The following SHROOM4 variants were observed in gnomAD, a reference collection of about 807,000 sequenced individuals.
SHROOM4 encodes the protein shroom family member 4.
SHROOM4 carries 17 observed loss-of-function variants against 80.3 expected under a neutral mutation model. That is an observed-to-expected ratio of 0.21 (90% CI 0.14 to 0.32). The LOEUF (loss-of-function observed/expected upper bound fraction) is 0.32. Ranked by LOEUF, SHROOM4 falls within the 10% of genes least tolerant of loss-of-function variation. The pLI, the probability that SHROOM4 is intolerant of heterozygous loss-of-function variation, is 1.00. For synonymous variants in SHROOM4, 400 were observed against 437.5 expected (o/e 0.91, Z 1.07); for missense variants, 993 against 1,140.3 (o/e 0.87, Z 1.86).
At chrX:50,717,472 C>T (rs1158730691) in intron 1 of SHROOM4, among the ~76,000 whole-genome samples, 3 of 112,233 alleles carry the variant, frequency 2.7e-5, no homozygotes, top group Non-Finnish European at 3.8e-5. Context: ...CTGCCCACCT[C>T]GGCATCCCAA....
chrX:50,633,820 G>C lies in SHROOM4; in HGVS notation c.2253C>G (p.Asn751Lys), dbSNP rs1931190934. The C allele has an allele frequency of 8.3e-7, 1 of 1,210,972 alleles. No homozygotes were observed. The highest frequency in any genetic ancestry group is 1.8e-5 in the South Asian group (1 of 56,865). Residue 751 changes from asparagine (N) to lysine (K), a missense_variant, in exon 4 of 9, where the codon AAC becomes AAG. Asn to Lys is a moderately conservative substitution (Grantham distance 94). Coordinates refer to ENST00000376020, the MANE Select transcript of SHROOM4 (RefSeq NM_020717.5). ...GAGCAGTAGAAGCCTTCAATTCCTT[G>C]TTGTCACCTGGGTTGGAAGGGCCTT... ...AMEGPSNPGD[N>K]KELKASTAQA...
In SHROOM4 at chrX:50,753,985, G is replaced by C. The variant is rs146106978; in HGVS notation, c.118-58048C>G. On this transcript the variant is annotated intron_variant, in intron 1 of 8. Transcript: ENST00000376020. ...TTCATAACGTTATTAATTTCATAAG[G>C]ATTTAATGGGCTAATGCATACATAA... Among the ~76,000 whole-genome samples the C allele has an allele frequency of 2.4e-4, 27 of 111,822 alleles. No homozygotes were observed. The East Asian group carries it at 7.0e-3, about 29-fold the overall frequency.
At chrX:50,671,610 T>C (rs1382374828) in intron 2 of SHROOM4, among the ~76,000 whole-genome samples, 3 of 112,487 alleles carry the variant, frequency 2.7e-5, no homozygotes, top group African/African-American at 9.7e-5. Context: ...CTTCTGCAGC[T>C]TCCTCAGCAT....
intron 1 of SHROOM4, among the ~76,000 whole-genome samples, chrX:50,696,577 G>C (rs1315027159): frequency 8.9e-6 from 1 of 112,219 alleles, no homozygotes; most frequent in Non-Finnish European, 1.9e-5. Context: ...TGAAGACCTG[G>C]AAAGTGGCTT....
chrX:50,710,707 T>TA (rs1381140495), intron 1 of SHROOM4, among the ~76,000 whole-genome samples: 1 of 111,811 alleles, frequency 8.9e-6, no homozygotes, highest in African/African-American at 3.3e-5. Context: ...AAAAAATAAA[T>TA]AAAAAATATC....
chrX:50,683,703 T>C (rs925284304), intron 2 of SHROOM4, among the ~76,000 whole-genome samples: 13 of 111,598 alleles, frequency 1.2e-4, no homozygotes, highest in Non-Finnish European at 1.9e-4. Context: ...TAGAAGTTAA[T>C]GACTTTAACA....
At chrX:50,659,071 A>C (rs781910826) in intron 2 of SHROOM4, among the ~76,000 whole-genome samples, 37 of 111,731 alleles carry the variant, frequency 3.3e-4, no homozygotes, top group Non-Finnish European at 6.6e-4. Context: ...CACTCAGATG[A>C]AAGGTACTTC....
intron 5 of SHROOM4, among the ~76,000 whole-genome samples, chrX:50,617,734 A>G (rs1446383451): frequency 9.4e-6 from 1 of 106,102 alleles, no homozygotes; most frequent in African/African-American, 3.5e-5. Context: ...CCCTATCTGG[A>G]GGTACTGGGC....
chrX:50,669,966 G>T (rs1932777820), intron 2 of SHROOM4, among the ~76,000 whole-genome samples: 1 of 111,419 alleles, frequency 9.0e-6, no homozygotes, highest in African/African-American at 3.3e-5. Flanking sequence ...TGGATATTTT[G>T]ATCTCCTCCC....
At chrX:50,652,239 C>T (rs186556670) in intron 2 of SHROOM4, among the ~76,000 whole-genome samples, 2 of 112,122 alleles carry the variant, frequency 1.8e-5, no homozygotes, top group African/African-American at 6.5e-5. Context: ...TCCTCTCTAG[C>T]ATCTGTTGTT....
At chrX:50,630,487 T>G (rs1053770726) in intron 4 of SHROOM4, among the ~76,000 whole-genome samples, 1 of 111,514 alleles carries the variant, frequency 9.0e-6, no homozygotes, top group Admixed American at 9.5e-5. Flanking sequence ...GCATTGTAAG[T>G]TCGGGGGAAG....
chrX:50,679,536 C>T (rs1340841637), intron 2 of SHROOM4, among the ~76,000 whole-genome samples: 1 of 111,632 alleles, frequency 9.0e-6, no homozygotes. Flanking sequence ...GTCCCTTTAA[C>T]ATATATATTG....
intron 2 of SHROOM4, among the ~76,000 whole-genome samples, chrX:50,651,929 T>C (rs1432186054): frequency 1.8e-5 from 2 of 111,908 alleles, no homozygotes; most frequent in Non-Finnish European, 3.8e-5. Flanking sequence ...TTTTTATGGC[T>C]GCATAGTATT....
chrX:50,803,290 A>G (rs1557272802), intron 1 of SHROOM4, among the ~76,000 whole-genome samples: 1 of 113,016 alleles, frequency 8.8e-6, no homozygotes. Context: ...AGTGACATCT[A>G]TGGAGCTCTG....
intron 1 of SHROOM4, among the ~76,000 whole-genome samples, chrX:50,749,933 TCTA>T (rs1934871738): frequency 9.0e-6 from 1 of 111,416 alleles, no homozygotes; most frequent in African/African-American, 3.3e-5. Context: ...AAGACCTCCA[TCTA>T]CTATCTCTCT....
At chrX:50,810,288 T>C (rs1250485575) in intron 1 of SHROOM4, among the ~76,000 whole-genome samples, 11 of 111,234 alleles carry the variant, frequency 9.9e-5, no homozygotes, top group African/African-American at 3.3e-4. Flanking sequence ...ACTTGATCAT[T>C]TCCTGGTCCA....
chrX:50,634,958 G>T lies in SHROOM4; in HGVS notation c.1115C>A (p.Ala372Asp). The T allele has an allele frequency of 8.3e-7, 1 of 1,211,806 alleles. No individual in the cohort carries two copies. Among genetic ancestry groups the T allele is most frequent in the Admixed American group, 2.2e-5 (1 of 46,090 alleles). Residue 372 changes from alanine to aspartate, a missense_variant, in exon 4 of 9, where the codon GCC (alanine) becomes GAC (aspartate). Ala to Asp is a moderately radical substitution (Grantham distance 126). Coordinates refer to ENST00000376020, the MANE Select transcript of SHROOM4 (RefSeq NM_020717.5). ...ASTKAVGSPK[A>D]CDRASSVDSN... ...ATCCACGCTGGAAGCTCTGTCACAG[G>T]CTTTTGGGGATCCAACAGCTTTGGT...
intron 1 of SHROOM4, among the ~76,000 whole-genome samples, chrX:50,808,721 A>G (rs1027223062): frequency 9.0e-6 from 1 of 110,804 alleles, no homozygotes; most frequent in Non-Finnish European, 1.9e-5. Flanking sequence ...TTCTTTAAAG[A>G]AATTCCTGGG....
At chrX:50,745,155 G>A (rs1466248042) in intron 1 of SHROOM4, among the ~76,000 whole-genome samples, 3 of 111,508 alleles carry the variant, frequency 2.7e-5, no homozygotes, top group Non-Finnish European at 5.6e-5. Flanking sequence ...TCTTAGCAGG[G>A]CATTTTTAAA....
Sources: gnomAD v4.1 joint callset for allele counts (sites outside exome capture counted in the v4.1 genomes callset) on GRCh38, gnomAD v4.1.1 for gene constraint, MANE v1.5 for transcripts, NCBI Gene and HGNC (gene_info 2026-07-23, HGNC 2026-07-21) for gene names.